The following NDUFAF6 variants were observed in gnomAD, a reference collection of about 807,000 sequenced individuals.
The protein encoded by NDUFAF6 is NADH dehydrogenase (ubiquinone) complex I, assembly factor 6.
Under a neutral mutation model 40.8 loss-of-function variants are expected in NDUFAF6, and 45 were observed. The observed-to-expected ratio is 1.10, with a 90% CI of 0.87 to 1.42. The LOEUF is 1.42. NDUFAF6 is among the 40% of genes most tolerant of loss of function. NDUFAF6 has a pLI of 0.00. For missense variants in NDUFAF6, 435 were observed against 418.5 expected (o/e 1.04, Z -0.34); for synonymous variants, 185 against 155.9 (o/e 1.19, Z -1.39).
At chr8:95,065,903 C>G (rs1007612372) in intron 9 of NDUFAF6, among the ~76,000 whole-genome samples, 4 of 152,042 alleles carry the variant, frequency 2.6e-5, no homozygotes, top group African/African-American at 9.7e-5. Context: ...ATATTTGTCC[C>G]CTTGAAGTTT....
chr8:95,021,167 T>C (rs773569610), upstream of NDUFAF6, among the ~76,000 whole-genome samples: 8 of 152,302 alleles, frequency 5.3e-5, no homozygotes, highest in Non-Finnish European at 1.0e-4. Flanking sequence ...AACAGTGTAA[T>C]AAACATTGCC....
chr8:95,075,802 G>A, exon 10 of NDUFAF6: 4 of 824,946 alleles, frequency 4.8e-6, no homozygotes, highest in Non-Finnish European at 7.0e-6. Context: ...GGCCAATCTT[G>A]CTTCACTCGA....
In NDUFAF6 at chr8:95,045,610, A is replaced by T; in HGVS notation, c.543A>T (p.Thr181=). The T allele has an allele frequency of 1.2e-6, 2 of 1,613,488 alleles. No homozygotes were observed. The highest frequency in any genetic ancestry group is 8.5e-7 in the Non-Finnish European group (1 of 1,179,636). The change falls in exon 5 of 9, where the codon ACA becomes ACT. Residue 181 remains threonine, a synonymous_variant. Coordinates refer to ENST00000396124, the MANE Select transcript of NDUFAF6 (RefSeq NM_152416.4). ...IKELENYAEN[T]QSSLLYLTLE... ...AACTGGAAAATTATGCTGAAAACAC[A>T]CAGAGCTCTCTTCTTTACTTAACAC...
chr8:94,949,891 G>GAGAA (rs1239341731), intron 2 of NDUFAF6: 1 of 152,342 alleles, frequency 6.6e-6, no homozygotes, highest in Non-Finnish European at 1.5e-5. Flanking sequence ...GGTTAGACGT[G>GAGAA]TAGCCAGGGT....
intron 1 of NDUFAF6, chr8:94,940,168 A>C (rs769341439): frequency 6.2e-7 from 1 of 1,614,060 alleles, no homozygotes; most frequent in East Asian, 2.2e-5. Flanking sequence ...GTGACTCTTC[A>C]CTGATGTCCT....
chr8:95,107,816 G>A (rs1243844970), downstream of NDUFAF6, among the ~76,000 whole-genome samples: 1 of 152,228 alleles, frequency 6.6e-6, no homozygotes, highest in East Asian at 1.9e-4. Context: ...TCAGGAGCTA[G>A]AGGAGCTTGG....
At chr8:95,066,645 G>A (rs910083284) in intron 9 of NDUFAF6, among the ~76,000 whole-genome samples, 1 of 152,018 alleles carries the variant, frequency 6.6e-6, no homozygotes, top group Admixed American at 6.6e-5. Flanking sequence ...AGAAAAATAA[G>A]GCATTTTCTC....
intron 2 of NDUFAF6, among the ~76,000 whole-genome samples, chr8:94,951,783 T>C (rs1355336502): frequency 1.3e-5 from 2 of 152,216 alleles, no homozygotes; most frequent in African/African-American, 4.8e-5. Flanking sequence ...GTATCTGGGG[T>C]GGATCACTCC....
intron 2 of NDUFAF6, among the ~76,000 whole-genome samples, chr8:94,946,710 A>AAAAAAAAAAAAAAAAAAAAAAAC (rs1822042509): frequency 6.8e-6 from 1 of 147,938 alleles, no homozygotes; most frequent in South Asian, 2.2e-4. Context: ...AAAAAAAAAA[A>AAAAAAAAAAAAAAAAAAAAAAAC]AAAAAAAAAA....
At chr8:94,997,328 A>G (rs1478117957) in intron 2 of NDUFAF6, among the ~76,000 whole-genome samples, 1 of 141,064 alleles carries the variant, frequency 7.1e-6, no homozygotes, top group African/African-American at 2.6e-5. Context: ...ACACACACAC[A>G]CACACACACA....
intron 2 of NDUFAF6, among the ~76,000 whole-genome samples, chr8:94,949,672 G>C (rs1393308823): frequency 2.0e-5 from 3 of 152,196 alleles, no homozygotes; most frequent in African/African-American, 7.2e-5. Flanking sequence ...GCCGGCGGGA[G>C]CGGGGTGCGT....
chr8:94,969,087 C>T (rs1030865879), intron 1 of NDUFAF6, among the ~76,000 whole-genome samples: 5 of 151,952 alleles, frequency 3.3e-5, no homozygotes, highest in African/African-American at 4.8e-5. Flanking sequence ...TCTGGAGTTC[C>T]GATGAGAGGT....
At chr8:94,915,328 TTC>T (rs1319531492) in intron 1 of NDUFAF6, among the ~76,000 whole-genome samples, 1 of 152,190 alleles carries the variant, frequency 6.6e-6, no homozygotes, top group East Asian at 1.9e-4. Flanking sequence ...ATACTTGGTT[TTC>T]TGTTTCTGCA....
chr8:94,963,598 C>T lies in NDUFAF6; in HGVS notation c.-199+5419C>T, dbSNP rs568671292. 6.6e-5 allele frequency among the ~76,000 whole-genome samples: 10 copies of T among 152,302 alleles called. No homozygotes were observed. In the South Asian group the frequency reaches 8.3e-4, roughly 13 times the overall value. On this transcript the variant is annotated intron_variant, in intron 1 of 9. Coordinates refer to the NDUFAF6 transcript ENST00000396111. The stretch of plus-strand genomic sequence containing the variant: ...GGCCAGAGGCTGGCTCAGCTGGAGA[C>T]GGGTTGGAACAAGGGCCGTAGCCAG...
At chr8:94,910,474 C>A (rs1185024948) in intron 1 of NDUFAF6, among the ~76,000 whole-genome samples, 1 of 152,186 alleles carries the variant, frequency 6.6e-6, no homozygotes, top group Admixed American at 6.5e-5. Context: ...TGATAGAGGC[C>A]TCTGAGCTTG....
intron 1 of NDUFAF6, among the ~76,000 whole-genome samples, chr8:94,977,491 C>G (rs940123626): frequency 2.7e-5 from 4 of 150,058 alleles, no homozygotes; most frequent in South Asian, 2.1e-4. Flanking sequence ...CCTCTGCACT[C>G]CAGCCTGAGC....
chr8:95,069,877 T>C (rs1832798321), intron 9 of NDUFAF6, among the ~76,000 whole-genome samples: 1 of 149,880 alleles, frequency 6.7e-6, no homozygotes. Flanking sequence ...TTCACAAATG[T>C]CTCAAAGCAG....
chr8:94,933,679 T>TG (rs1237158190), intron 1 of NDUFAF6, among the ~76,000 whole-genome samples: 4 of 151,692 alleles, frequency 2.6e-5, no homozygotes, highest in African/African-American at 9.7e-5. Flanking sequence ...GCATGAGAAT[T>TG]GCTTGAATCT....
chr8:95,039,180 C>A (rs1829866256), intron 3 of NDUFAF6, among the ~76,000 whole-genome samples: 1 of 151,366 alleles, frequency 6.6e-6, no homozygotes, highest in Non-Finnish European at 1.5e-5. Flanking sequence ...CGTGGCCAGG[C>A]ACGTTGGCTC....
Sources: gnomAD v4.1 joint callset for allele counts (sites outside exome capture counted in the v4.1 genomes callset) on GRCh38, gnomAD v4.1.1 for gene constraint, MANE v1.5 for transcripts, NCBI Gene and HGNC (gene_info 2026-07-23, HGNC 2026-07-21) for gene names.